LYST: variants seen among roughly 807,000 people sequenced by gnomAD.
LYST encodes lysosomal trafficking regulator, also known as lysosomal-trafficking regulator.
In LYST, 192 loss-of-function variants were observed where a neutral mutation model predicts 413.6. The ratio of observed to expected loss-of-function variants is 0.46; its 90% confidence interval spans 0.41 to 0.52. The LOEUF (loss-of-function observed/expected upper bound fraction) is 0.52. Ranked by LOEUF, LYST falls within the 20% of genes least tolerant of loss-of-function variation. LYST has a pLI of 0.00. For synonymous variants in LYST, 1,525 were observed against 1,567.3 expected (o/e 0.97, Z 0.64); for missense variants, 3,815 against 4,499.9 (o/e 0.85, Z 4.35).
At chr1:235,853,320 A>C (rs980533352) in intron 1 of LYST, among the ~76,000 whole-genome samples, 2 of 152,224 alleles carry the variant, frequency 1.3e-5, no homozygotes, top group African/African-American at 4.8e-5. Flanking sequence ...GCTCTGAACT[A>C]GATGTTCTAT....
rs1372336708 is a variant in LYST at position 235,783,451 on chromosome 1, AG to A, written c.4863-1365del. ...TCAATGAGAACATACGGACACAGGG[AG>A]GGGAACATCACACACCGGGGCCTGT... is the stretch of plus-strand genomic sequence containing the variant. On this transcript the variant is annotated intron_variant, in intron 14 of 52. Transcript: ENST00000389793. Among the ~76,000 whole-genome samples, 4 of 152,160 alleles carry A rather than the reference AG, an allele frequency of 2.6e-5. No homozygotes were observed. In the East Asian group the frequency reaches 7.7e-4, roughly 29 times the overall value.
chr1:235,768,114 C>A (rs1343885686), intron 20 of LYST, among the ~76,000 whole-genome samples: 2 of 152,126 alleles, frequency 1.3e-5, no homozygotes, highest in African/African-American at 4.8e-5. Context: ...ATCCTGATGG[C>A]TTCACTATTA....
intron 44 of LYST, 92 bp downstream of exon 44, chr1:235,708,999 T>C (rs1662198795): frequency 9.1e-7 from 1 of 1,102,492 alleles, no homozygotes; most frequent in African/African-American, 1.5e-5. Flanking sequence ...TTTGATAACT[T>C]GAGTGTTTTA....
At position 235,762,627 on chromosome 1, in the gene LYST, C is replaced by G. The variant is rs541244843; in HGVS notation, c.6253+93G>C. On this transcript the variant is annotated intron_variant, in intron 22 of 52. Transcript: ENST00000389793. Reference sequence around the variant, plus strand: ...TCTTGTTAGATTGAATGAGGTTGTACTACATATACTTCTAAAATATGTACA... The same window carrying G: ...TCTTGTTAGATTGAATGAGGTTGTAGTACATATACTTCTAAAATATGTACA... 9.3e-6 allele frequency: 12 copies of G among 1,293,082 alleles called. No homozygotes were observed. In the South Asian group the frequency reaches 1.5e-4, roughly 16 times the overall value. The allele number at this position is 1,293,082 out of a possible 1,614,324, so 80.1% of individuals were successfully genotyped here.
At chr1:235,675,296 C>T (rs1659289356) in intron 50 of LYST, among the ~76,000 whole-genome samples, 1 of 152,184 alleles carries the variant, frequency 6.6e-6, no homozygotes, top group African/African-American at 2.4e-5. Context: ...TTCCTCCCCT[C>T]CTCTCGCAAA....
At chr1:235,693,957 G>C (rs1660876961) in intron 46 of LYST, among the ~76,000 whole-genome samples, 1 of 151,614 alleles carries the variant, frequency 6.6e-6, no homozygotes, top group Non-Finnish European at 1.5e-5. Flanking sequence ...CTGCAGGACT[G>C]TGTATGGTAG....
rs76755529 is a variant in LYST, at chr1:235,682,431, C to T, written c.10800+4518G>A. On this transcript the variant is annotated intron_variant, in intron 48 of 52. Coordinates refer to ENST00000389793, the MANE Select transcript of LYST (RefSeq NM_000081.4). ...GAGGAAGCCCCAGAGAAGCATGTGG[C>T]GGACAAGCAATGAGAAGCATGCTGT... 7.2e-5 allele frequency among the ~76,000 whole-genome samples: 11 copies of T among 152,260 alleles called. No homozygotes were observed. The East Asian group carries it at 7.7e-4, about 11-fold the overall frequency.
chr1:235,793,832 TTTA>T (rs1362427133), intron 10 of LYST, among the ~76,000 whole-genome samples: 6 of 151,838 alleles, frequency 4.0e-5, no homozygotes, highest in Non-Finnish European at 7.4e-5. Context: ...TTTTATTATT[TTTA>T]TTATTATTAT....
At chr1:235,768,350 C>A (rs1388218353) in intron 20 of LYST, among the ~76,000 whole-genome samples, 1 of 152,034 alleles carries the variant, frequency 6.6e-6, no homozygotes, top group Non-Finnish European at 1.5e-5. Context: ...ACTAAACACT[C>A]CCATTTTAAT....
intron 40 of LYST, among the ~76,000 whole-genome samples, chr1:235,718,484 A>T (rs995920431): frequency 6.6e-6 from 1 of 151,726 alleles, no homozygotes. Context: ...TTGGTCTCGA[A>T]CTCCTGACGT....
chr1:235,803,957 C>T (rs1033600361), intron 7 of LYST, among the ~76,000 whole-genome samples: 1 of 151,858 alleles, frequency 6.6e-6, no homozygotes, highest in African/African-American at 2.4e-5. Context: ...GGAAACAAGC[C>T]AATTATGTAC....
At chr1:235,747,015 A>T (rs1301034934) in intron 28 of LYST, among the ~76,000 whole-genome samples, 6 of 152,226 alleles carry the variant, frequency 3.9e-5, no homozygotes. Flanking sequence ...ATGAAAGTGA[A>T]GAGATCAGGA....
intron 21 of LYST, among the ~76,000 whole-genome samples, chr1:235,765,367 C>A (rs1174050168): frequency 2.6e-5 from 4 of 152,146 alleles, no homozygotes; most frequent in Admixed American, 2.0e-4. Context: ...GGCCTTACTG[C>A]CCCTAGTTCC....
At chr1:235,811,743 T>C (rs1673471473) in intron 4 of LYST, among the ~76,000 whole-genome samples, 1 of 152,050 alleles carries the variant, frequency 6.6e-6, no homozygotes, top group South Asian at 2.1e-4. Context: ...GCAAACCAGA[T>C]GGGAAGAGGA....
chr1:235,851,716 G>A (rs1558342812), intron 1 of LYST, among the ~76,000 whole-genome samples: 1 of 151,782 alleles, frequency 6.6e-6, no homozygotes, highest in South Asian at 2.1e-4. Context: ...ATACACTCTC[G>A]AGAATACTGA....
At chr1:235,689,945 TGAATCG>T (rs1660522252) in intron 47 of LYST, among the ~76,000 whole-genome samples, 1 of 152,228 alleles carries the variant, frequency 6.6e-6, no homozygotes, top group Non-Finnish European at 1.5e-5. Context: ...AATAAATTAG[TGAATCG>T]GAAAGCATCT....
chr1:235,824,848 C>A (rs990683409), intron 3 of LYST, among the ~76,000 whole-genome samples: 1 of 151,976 alleles, frequency 6.6e-6, no homozygotes, highest in African/African-American at 2.4e-5. Flanking sequence ...GGTGAAACCC[C>A]GTCTCTACTA....
chr1:235,714,695 T>C (rs998093047), intron 42 of LYST, among the ~76,000 whole-genome samples: 1 of 152,204 alleles, frequency 6.6e-6, no homozygotes, highest in Non-Finnish European at 1.5e-5. Context: ...CTCCAGTCTG[T>C]CACTTAAAAT....
intron 31 of LYST, among the ~76,000 whole-genome samples, chr1:235,740,827 T>C (rs554756352): frequency 2.9e-4 from 44 of 152,302 alleles, no homozygotes; most frequent in Non-Finnish European, 1.5e-4. Context: ...TATCTAAAAA[T>C]GGAGTAACAT....
Sources: allele counts gnomAD v4.1 joint callset (sites outside exome capture counted in the v4.1 genomes callset), GRCh38; gene constraint gnomAD v4.1.1; transcripts MANE v1.5; gene names NCBI Gene and HGNC (gene_info 2026-07-23, HGNC 2026-07-21).